Variants in ACTR5 observed in about 807,000 individuals in gnomAD.
ACTR5 encodes the protein actin-related protein 5.
Under a neutral mutation model 61.2 loss-of-function variants are expected in ACTR5, and 43 were observed. The observed-to-expected ratio is 0.70, with a 90% confidence interval of 0.55 to 0.91. The LOEUF is 0.91. ACTR5 is among the 40% of genes least tolerant of loss of function. The pLI, the probability that ACTR5 is intolerant of heterozygous loss-of-function variation, is 0.00. For synonymous variants in ACTR5, 333 were observed against 310.5 expected (o/e 1.07, Z -0.76); for missense variants, 798 against 782.2 (o/e 1.02, Z -0.24).
intron 2 of ACTR5, 83 bp from the exon 3 acceptor site, chr20:38,752,047 CT>C: frequency 6.9e-7 from 1 of 1,457,376 alleles, no homozygotes. Context: ...CTTTATCTGC[CT>C]TAAATTATCT....
chr20:38,768,346 A>T (rs900690872), intron 8 of ACTR5, among the ~76,000 whole-genome samples: 1 of 152,160 alleles, frequency 6.6e-6, no homozygotes, highest in Non-Finnish European at 1.5e-5. Flanking sequence ...TCCAGGCAGG[A>T]TGATTCTCTG....
intron 1 of ACTR5, among the ~76,000 whole-genome samples, chr20:38,749,213 A>T (rs989584063): frequency 1.3e-5 from 2 of 152,242 alleles, no homozygotes; most frequent in Non-Finnish European, 2.9e-5. Context: ...ATGAAAAGGC[A>T]GACAGTAAAC....
Position 38,754,983 on chromosome 20 carries a change from T to A in ACTR5, c.802T>A (p.Tyr268Asn), listed in dbSNP as rs773605328. The change falls in exon 4 of 9, where the codon TAT (tyrosine) becomes AAT (asparagine). Residue 268 changes from tyrosine to asparagine, a missense_variant. Tyr to Asn is a moderately radical substitution (Grantham distance 143). Transcript: ENST00000243903. Reference protein sequence around the residue: ...EELHKWRCPDYYENNVHKMQL... With the variant: ...EELHKWRCPDNYENNVHKMQL... Reference sequence around the variant, plus strand: ...ATTACACAAATGGCGGTGTCCTGATTATTATGAGAATAATGTCCACAAGAT... The same window carrying A: ...ATTACACAAATGGCGGTGTCCTGATAATTATGAGAATAATGTCCACAAGAT... The A allele has an allele frequency of 1.9e-6, 3 of 1,614,232 alleles. No individual in the cohort carries two copies. The highest frequency in any genetic ancestry group is 2.5e-6 in the Non-Finnish European group (3 of 1,180,040).
At chr20:38,771,407 G>A in intron 8 of ACTR5, 152 bp from the exon 9 acceptor site, 1 of 929,844 alleles carries the variant, frequency 1.1e-6, no homozygotes, top group Non-Finnish European at 1.6e-6. Context: ...TGTTTACAGG[G>A]TGTGGAGCTA....
chr20:38,766,813 G>A (rs2084489623), intron 7 of ACTR5, among the ~76,000 whole-genome samples: 3 of 152,030 alleles, frequency 2.0e-5, no homozygotes, highest in Non-Finnish European at 2.9e-5. Flanking sequence ...CCATTTATGC[G>A]GGCATTTTCC....
chr20:38,749,732 G>A (rs2084374980), intron 1 of ACTR5, among the ~76,000 whole-genome samples: 1 of 152,220 alleles, frequency 6.6e-6, no homozygotes, highest in Admixed American at 6.5e-5. Flanking sequence ...AGCAGGGAAT[G>A]TCATTAGAAG....
Position 38,750,166 on chromosome 20 carries a change from A to T in ACTR5, c.532A>T (p.Asn178Tyr), listed in dbSNP as rs767630986. Residue 178 changes from asparagine (N) to tyrosine (Y), a missense_variant, in exon 2 of 9, where the codon AAC (asparagine) becomes TAC (tyrosine). Transcript: ENST00000243903. ...LFSFYHNKPK[N>Y]SMCSGLIISS... ...CAGCTTCTACCACAATAAGCCAAAG[A>T]ACTCGATGTGCAGTGGGCTAATCAT... is the stretch of plus-strand genomic sequence containing the variant. 7 of 1,614,096 alleles carry T rather than the reference A, an allele frequency of 4.3e-6. No homozygotes were observed. The highest frequency in any genetic ancestry group is 1.7e-5 in the Admixed American group (1 of 59,998).
In ACTR5 at chr20:38,748,536, G is replaced by A. The variant is rs1386295699; in HGVS notation, c.58G>A (p.Glu20Lys). ...CCGTGCCGCACCGGACCCAGTGCTG[G>A]AGGCCGGCCCGGTGGCACACGGGCC... ...DARAAPDPVLEAGPVAHGPLP... is the reference protein window; with the variant it reads ...DARAAPDPVLKAGPVAHGPLP... Residue 20 changes from glutamate to lysine, a missense_variant, in exon 1 of 9, where the codon GAG (glutamate) becomes AAG (lysine). By Grantham distance (56) the Glu-to-Lys change is moderately conservative (BLOSUM62 1). Coordinates refer to ENST00000243903, the MANE Select transcript of ACTR5 (RefSeq NM_024855.4). 3 of 1,509,944 alleles carry A rather than the reference G, an allele frequency of 2.0e-6. No individual in the cohort carries two copies. The highest frequency in any genetic ancestry group is 8.8e-7 in the Non-Finnish European group (1 of 1,133,962). 93.5% of individuals were successfully genotyped at this position (1,509,944 alleles called of 1,614,324 possible).
chr20:38,750,320 A>C, intron 2 of ACTR5, 81 bp downstream of exon 2: 1 of 1,232,122 alleles, frequency 8.1e-7, no homozygotes, highest in Non-Finnish European at 1.2e-6. Context: ...TTAAAGGCAG[A>C]GTAGAAAGAG....
chr20:38,751,460 T>C (rs1205070252), intron 2 of ACTR5, among the ~76,000 whole-genome samples: 1 of 152,208 alleles, frequency 6.6e-6, no homozygotes, highest in East Asian at 1.9e-4. Context: ...AAGTAACATA[T>C]TTTATATTGA....
intron 1 of ACTR5, 96 bp from the exon 2 acceptor site, chr20:38,749,914 C>A (rs776643717): frequency 1.9e-6 from 2 of 1,078,856 alleles, no homozygotes; most frequent in African/African-American, 1.6e-5. Context: ...AAGCCAAAAG[C>A]AAATTCAGTC....
At chr20:38,769,824 GGA>G (rs2084509597) in intron 8 of ACTR5, among the ~76,000 whole-genome samples, 1 of 152,178 alleles carries the variant, frequency 6.6e-6, no homozygotes, top group Non-Finnish European at 1.5e-5. Context: ...AGTCTAAGAA[GGA>G]GGTGGAGGAA....
intron 5 of ACTR5, among the ~76,000 whole-genome samples, chr20:38,756,986 A>G (rs1410968228): frequency 1.3e-5 from 2 of 152,244 alleles, no homozygotes; most frequent in Admixed American, 6.5e-5. Flanking sequence ...ATGCAGTTAC[A>G]TGTTCATAGC....
chr20:38,765,367 G>A lies in ACTR5; in HGVS notation c.1177-35G>A, dbSNP rs745568810. ...ATGATAGAACTGAGGCCTGCTGAAGGTACAGGTTCTGTTTCATTTTGCTCC... is the reference window on the plus strand; with the variant it reads ...ATGATAGAACTGAGGCCTGCTGAAGATACAGGTTCTGTTTCATTTTGCTCC... On this transcript the variant is annotated intron_variant, in intron 5 of 8. Transcript: ENST00000243903. 2.7e-6 allele frequency: 4 copies of A among 1,491,534 alleles called. No individual in the cohort carries two copies. In the South Asian group the frequency reaches 4.5e-5, roughly 17 times the overall value. 92.4% of individuals were successfully genotyped at this position (1,491,534 alleles called of 1,614,324 possible).
In ACTR5 at chr20:38,756,012, G is replaced by A. The variant is rs146119497; in HGVS notation, c.1149G>A (p.Glu383=). The A allele has an allele frequency of 1.0e-4, 163 of 1,613,318 alleles. 1 individual carries two copies. The African/African-American group carries it at 1.7e-3, about 17-fold the overall frequency. The change falls in exon 5 of 9, where the codon GAG becomes GAA. Residue 383 remains glutamate, a synonymous_variant. Transcript: ENST00000243903. ...TCCTCCAAGCGGAAGTCAACCTCGA[G>A]GTGGATGTGGTAGACAGCAAGCCAG... ...QKILQAEVNL[E]VDVVDSKPET...
chr20:38,754,605 G>C (rs1473074245), intron 3 of ACTR5, among the ~76,000 whole-genome samples: 1 of 152,046 alleles, frequency 6.6e-6, no homozygotes, highest in Non-Finnish European at 1.5e-5. Context: ...TGTAGTCCCA[G>C]CTACTCAGGA....
chr20:38,768,274 G>A (rs1039111073), intron 8 of ACTR5, among the ~76,000 whole-genome samples: 3 of 152,214 alleles, frequency 2.0e-5, no homozygotes, highest in Non-Finnish European at 4.4e-5. Context: ...GCGCCCGACA[G>A]TGGGCCTGCA....
In ACTR5 at chr20:38,767,450, TG is replaced by T. The variant is rs1442821599; in HGVS notation, c.1434-13del. ...TGAGTTAAGGGACTATATTAGGAGT[TG>T]TTTCTTTCCTAGGTACCCAAAGGAC... On this transcript the variant is annotated splice_polypyrimidine_tract_variant and intron_variant, in intron 7 of 8. Coordinates refer to ENST00000243903, the MANE Select transcript of ACTR5 (RefSeq NM_024855.4). 1 of 1,613,020 alleles carries T rather than the reference TG, an allele frequency of 6.2e-7. No homozygotes were observed. The highest frequency in any genetic ancestry group is 8.5e-7 in the Non-Finnish European group (1 of 1,179,444).
chr20:38,753,986 T>A lies in ACTR5; in HGVS notation c.776-971T>A, dbSNP rs74872238. ...ACAGTAAACACAACTTTTCACAGTC[T>A]ACTTAGATTCTGTATTTACCACTTC... On this transcript the variant is annotated intron_variant, in intron 3 of 8. Coordinates refer to ENST00000243903, the MANE Select transcript of ACTR5 (RefSeq NM_024855.4). Among the ~76,000 whole-genome samples, 368 of 152,114 alleles carry A rather than the reference T, an allele frequency of 2.4e-3. 9 individuals are homozygous for A. In the East Asian group the frequency reaches 0.047, roughly 20 times the overall value.
Sources: allele counts gnomAD v4.1 joint callset (sites outside exome capture counted in the v4.1 genomes callset), GRCh38; gene constraint gnomAD v4.1.1; transcripts MANE v1.5; gene names NCBI Gene and HGNC (gene_info 2026-07-23, HGNC 2026-07-21).